RNF152: variants seen among roughly 807,000 people sequenced by gnomAD.
The protein encoded by RNF152 is ring finger protein 152, also known as E3 ubiquitin-protein ligase RNF152.
In RNF152, 11 loss-of-function variants were observed where a neutral mutation model predicts 12.7. That is an observed-to-expected ratio of 0.86 (90% CI 0.54 to 1.43). RNF152 has a LOEUF of 1.43. Among genes scored for constraint, RNF152 ranks in the 40% most tolerant of loss-of-function variants. The probability of loss-of-function intolerance (pLI) is 0.00; values close to 1 mark genes in which losing one functional copy is unlikely to be tolerated. For synonymous variants in RNF152, 113 were observed against 120.3 expected (o/e 0.94, Z 0.40); for missense variants, 255 against 274.8 (o/e 0.93, Z 0.51).
At chr18:61,849,529 A>T (rs1910878413) in intron 1 of RNF152, among the ~76,000 whole-genome samples, 1 of 152,374 alleles carries the variant, frequency 6.6e-6, no homozygotes, top group South Asian at 2.1e-4. Context: ...CAAAGTGGCC[A>T]CTGAGCTAAT....
intron 1 of RNF152, among the ~76,000 whole-genome samples, chr18:61,865,460 A>G (rs1196645550): frequency 1.3e-5 from 2 of 152,236 alleles, no homozygotes; most frequent in African/African-American, 2.4e-5. Flanking sequence ...CTAAGCAGTG[A>G]TTCATGGCTG....
chr18:61,852,626 T>G (rs901299665), intron 1 of RNF152, among the ~76,000 whole-genome samples: 4 of 152,198 alleles, frequency 2.6e-5, no homozygotes, highest in African/African-American at 9.7e-5. Context: ...GAGTCTCACC[T>G]TAGCTGCAAA....
chr18:61,868,021 T>A (rs1482142369), intron 1 of RNF152, among the ~76,000 whole-genome samples: 1 of 152,184 alleles, frequency 6.6e-6, no homozygotes, highest in Non-Finnish European at 1.5e-5. Context: ...ACGAGCCTCC[T>A]AGGGGCAATT....
At chr18:61,851,331 T>C (rs1910964921) in intron 1 of RNF152, among the ~76,000 whole-genome samples, 1 of 152,200 alleles carries the variant, frequency 6.6e-6, no homozygotes, top group African/African-American at 2.4e-5. Flanking sequence ...ACTGCATCTA[T>C]ACCATATTCC....
chr18:61,886,952 A>G (rs1353466498), intron 1 of RNF152, among the ~76,000 whole-genome samples: 1 of 152,246 alleles, frequency 6.6e-6, no homozygotes, highest in Non-Finnish European at 1.5e-5. Flanking sequence ...TAAATTTTTC[A>G]GAAGAGTTGA....
intron 1 of RNF152, among the ~76,000 whole-genome samples, chr18:61,892,044 T>C (rs976967212): frequency 9.2e-5 from 14 of 152,210 alleles, no homozygotes; most frequent in African/African-American, 3.4e-4. Flanking sequence ...CATTGCACTC[T>C]TATCAAGATA....
At chr18:61,886,532 C>A (rs898420602) in intron 1 of RNF152, among the ~76,000 whole-genome samples, 4 of 152,126 alleles carry the variant, frequency 2.6e-5, no homozygotes, top group African/African-American at 9.7e-5. Context: ...TGATTTTGCC[C>A]CCATTGTAGG....
rs1912890042 is a variant in RNF152 at position 61,809,943 on chromosome 18, G to A, written c.*5909C>T. 6.6e-6 allele frequency: 1 copy of A among 151,742 alleles called. No individual in the cohort carries two copies. The highest frequency in any genetic ancestry group is 1.5e-5 in the Non-Finnish European group (1 of 67,978). The allele number at this position is 151,742 out of a possible 1,614,324, so 9.4% of individuals were successfully genotyped here. A position where few individuals can be genotyped will look rare whatever the true frequency, so the allele number is the denominator to read the frequency against. ...TGGGAACCAAATTGCAGGGATTCGG[G>A]AATAATGGTGCACTCGCCCTAACCA... On this transcript the variant is annotated 3_prime_UTR_variant, in exon 2 of 2. Transcript: ENST00000312828.
At position 61,892,902 on chromosome 18, in the gene RNF152, CTG is replaced by C. The variant is rs2144782178; in HGVS notation, c.-245_-244del. Reference sequence around the variant, plus strand: ...TGACAGGCAGGAAACACAATTGAGACTGAGCTTTCTTCAGCCTGCAGTGAAAT... The same window carrying C: ...TGACAGGCAGGAAACACAATTGAGACAGCTTTCTTCAGCCTGCAGTGAAAT... On this transcript the variant is annotated 5_prime_UTR_variant, in exon 1 of 2. Coordinates refer to ENST00000312828, the MANE Select transcript of RNF152 (RefSeq NM_173557.3). The C allele has an allele frequency of 6.6e-6, 1 of 152,378 alleles. No individual in the cohort carries two copies. The highest frequency in any genetic ancestry group is 2.4e-5 in the African/African-American group (1 of 41,568). The allele number at this position is 152,378 out of a possible 1,614,324, so 9.4% of individuals were successfully genotyped here.
At chr18:61,872,195 G>A (rs1912027215) in intron 1 of RNF152, among the ~76,000 whole-genome samples, 1 of 152,148 alleles carries the variant, frequency 6.6e-6, no homozygotes, top group Non-Finnish European at 1.5e-5. Flanking sequence ...ACTCTATCAG[G>A]AGAACAGCAC....
chr18:61,856,975 T>C (rs1327029788), intron 1 of RNF152, among the ~76,000 whole-genome samples: 1 of 152,188 alleles, frequency 6.6e-6, no homozygotes, highest in African/African-American at 2.4e-5. Flanking sequence ...CTCATTTAGA[T>C]ACAGAGCTAT....
intron 1 of RNF152, among the ~76,000 whole-genome samples, chr18:61,886,455 C>T (rs2144768681): frequency 6.6e-6 from 1 of 152,288 alleles, no homozygotes; most frequent in African/African-American, 2.4e-5. Context: ...TTTTCACTTT[C>T]AATACAGTAT....
chr18:61,859,312 G>A (rs775754174), intron 1 of RNF152, among the ~76,000 whole-genome samples: 2 of 152,222 alleles, frequency 1.3e-5, no homozygotes, highest in Non-Finnish European at 1.5e-5. Flanking sequence ...GCAACAGAGC[G>A]TGAGAGGGCT....
chr18:61,865,867 G>A (rs1217139238), intron 1 of RNF152, among the ~76,000 whole-genome samples: 1 of 152,134 alleles, frequency 6.6e-6, no homozygotes, highest in African/African-American at 2.4e-5. Flanking sequence ...TTTTCTTTTA[G>A]TTTGCAAGGA....
At position 61,846,048 on chromosome 18, in the gene RNF152, G is replaced by A. The variant is rs567341260; in HGVS notation, c.-135-29450C>T. On this transcript the variant is annotated intron_variant, in intron 1 of 1. Transcript: ENST00000312828. The stretch of plus-strand genomic sequence containing the variant: ...CACAGCAGATGCCCTTTATGAACCA[G>A]AAAATGGGCTCTCACAAGACACCAA... Among the ~76,000 whole-genome samples the A allele has an allele frequency of 5.9e-5, 9 of 152,224 alleles. No homozygotes were observed. The South Asian group carries it at 1.9e-3, about 32-fold the overall frequency.
chr18:61,810,035 A>G lies in RNF152; in HGVS notation c.*5817T>C, dbSNP rs1392001898. 1 of 152,160 alleles carries G rather than the reference A, an allele frequency of 6.6e-6. No homozygotes were observed. Among genetic ancestry groups the G allele is most frequent in the African/African-American group, 2.4e-5 (1 of 41,450 alleles). 9.4% of individuals were successfully genotyped at this position (152,160 alleles called of 1,614,324 possible). On this transcript the variant is annotated 3_prime_UTR_variant, in exon 2 of 2. Transcript: ENST00000312828. ...ATGCCCCACCTGCTTAAGTTCTTCA[A>G]TGATTAATGGCTTTCCAATAAAATG...
At chr18:61,844,396 G>T (rs1406851994) in intron 1 of RNF152, among the ~76,000 whole-genome samples, 1 of 152,174 alleles carries the variant, frequency 6.6e-6, no homozygotes, top group Non-Finnish European at 1.5e-5. Context: ...CCTGAGAGGA[G>T]TTATGAGTAA....
intron 1 of RNF152, among the ~76,000 whole-genome samples, chr18:61,841,028 G>A (rs758812188): frequency 2.3e-4 from 35 of 152,188 alleles, no homozygotes; most frequent in Non-Finnish European, 4.3e-4. Flanking sequence ...ACCACCTACT[G>A]CAGGAGGCTG....
chr18:61,889,317 A>G (rs1393079509), intron 1 of RNF152, among the ~76,000 whole-genome samples: 1 of 152,190 alleles, frequency 6.6e-6, no homozygotes, highest in East Asian at 1.9e-4. Flanking sequence ...TTACTGAACC[A>G]AAAGCAATAT....
Sources: gnomAD v4.1 joint callset for allele counts (sites outside exome capture counted in the v4.1 genomes callset) on GRCh38, gnomAD v4.1.1 for gene constraint, MANE v1.5 for transcripts, NCBI Gene and HGNC (gene_info 2026-07-23, HGNC 2026-07-21) for gene names.